Variants in USP28 observed in about 807,000 individuals in gnomAD.
USP28 encodes the protein ubiquitin specific peptidase 28.
USP28 carries 113 observed loss-of-function variants against 145.0 expected under a neutral mutation model. That is an observed-to-expected ratio of 0.78 (90% CI 0.67 to 0.91). USP28 has a LOEUF of 0.91. USP28 is among the 40% of genes least tolerant of loss of function. USP28 has a pLI of 0.00. For synonymous variants in USP28, 447 were observed against 450.9 expected (o/e 0.99, Z 0.11); for missense variants, 1,201 against 1,289.6 (o/e 0.93, Z 1.05).
Position 113,852,428 on chromosome 11 carries a change from G to A in USP28, c.268+73C>T, listed in dbSNP as rs1946571273. On this transcript the variant is annotated intron_variant, in intron 3 of 24. Coordinates refer to ENST00000003302, the Ensembl canonical transcript of USP28. Reference sequence around the variant, plus strand: ...TCAAAGGGCTGATGTGATTGACAGGGAACTCACATATACTTGGTTTGTTAT... The same window carrying A: ...TCAAAGGGCTGATGTGATTGACAGGAAACTCACATATACTTGGTTTGTTAT... The A allele has an allele frequency of 2.6e-6, 4 of 1,559,792 alleles. No homozygotes were observed. In the South Asian group the frequency reaches 4.5e-5, roughly 18 times the overall value.
rs962604962 is a variant in USP28 at position 113,803,917 on chromosome 11, T to C, written c.2659-40A>G. ...CGATTATTAATAATCATGATCATAA[T>C]AGATTGTTAGTGTCCTTCCCATCTA... On this transcript the variant is annotated intron_variant, in intron 21 of 24. Coordinates refer to ENST00000003302, the Ensembl canonical transcript of USP28. 1.9e-6 allele frequency: 3 copies of C among 1,547,646 alleles called. No individual in the cohort carries two copies. In the African/African-American group the frequency reaches 4.2e-5, roughly 21 times the overall value.
At chr11:113,838,620 T>A (rs1391115980) in intron 5 of USP28, among the ~76,000 whole-genome samples, 1 of 152,230 alleles carries the variant, frequency 6.6e-6, no homozygotes, top group Non-Finnish European at 1.5e-5. Flanking sequence ...CCTGGCCACC[T>A]TCAGACCTCT....
intron 11 of USP28, among the ~76,000 whole-genome samples, chr11:113,826,473 C>A (rs1021418432): frequency 1.6e-4 from 24 of 146,832 alleles, no homozygotes; most frequent in African/African-American, 5.4e-4. Flanking sequence ...CTACACCCAG[C>A]TAATTTTTTT....
intron 20 of USP28, 24 bp from the exon 22 acceptor site, chr11:113,804,775 G>A (rs1343290909): frequency 1.2e-6 from 2 of 1,612,324 alleles, no homozygotes; most frequent in South Asian, 1.1e-5. Flanking sequence ...AGTTCAGAAA[G>A]CAATGAAAAG....
intron 1 of USP28, among the ~76,000 whole-genome samples, chr11:113,861,102 C>T (rs1396003829): frequency 6.0e-5 from 9 of 148,832 alleles, no homozygotes; most frequent in Admixed American, 4.1e-4. Flanking sequence ...CCAGCCTGGG[C>T]GACAAAGCGA....
exon 5 of USP28, chr11:113,840,730 A>C: frequency 6.2e-7 from 1 of 1,614,188 alleles, no homozygotes. Flanking sequence ...TTGAGCGTTT[A>C]GTTTCTGCAG....
chr11:113,874,491 G>T, intron 1 of USP28: 1 of 1,230,416 alleles, frequency 8.1e-7, no homozygotes, highest in Non-Finnish European at 1.1e-6. Context: ...AGACAAAAGA[G>T]TAAAAAGGTA....
chr11:113,847,901 T>A (rs1279690988), intron 3 of USP28, among the ~76,000 whole-genome samples: 1 of 152,194 alleles, frequency 6.6e-6, no homozygotes, highest in African/African-American at 2.4e-5. Context: ...TCATACAACA[T>A]GACTGTAGCA....
chr11:113,855,903 A>G (rs1946997731), intron 1 of USP28, among the ~76,000 whole-genome samples: 1 of 151,934 alleles, frequency 6.6e-6, no homozygotes. Flanking sequence ...CAAGAGCACA[A>G]CTCCGTCTCA....
chr11:113,826,266 G>A (rs10891599), intron 11 of USP28, among the ~76,000 whole-genome samples: 68,378 of 127,830 alleles, frequency 0.53, 18,678 homozygotes, highest in Middle Eastern at 0.64. Flanking sequence ...CTGGGCAACA[G>A]AGCAAGACTC....
chr11:113,868,733 C>A (rs1273534932), intron 1 of USP28, among the ~76,000 whole-genome samples: 3 of 151,960 alleles, frequency 2.0e-5, no homozygotes, highest in Non-Finnish European at 2.9e-5. Context: ...CCAGCCTGGG[C>A]AACATAAAGA....
chr11:113,830,729 T>C, intron 9 of USP28, 138 bp downstream of exon 9: 1 of 672,964 alleles, frequency 1.5e-6, no homozygotes, highest in South Asian at 2.7e-5. Context: ...GTTAAACAGA[T>C]ACCAAGAGGC....
exon 25 of USP28, chr11:113,799,058 T>G (rs1938446557): frequency 1.6e-6 from 1 of 617,564 alleles, no homozygotes; most frequent in Non-Finnish European, 2.7e-6. Context: ...GCTTTTATGA[T>G]TTTGTACCTA....
intron 1 of USP28, among the ~76,000 whole-genome samples, chr11:113,858,766 C>G (rs555933577): frequency 2.0e-5 from 3 of 152,168 alleles, no homozygotes; most frequent in Non-Finnish European, 4.4e-5. Flanking sequence ...CCCACCACCA[C>G]GCCTAGCTAA....
rs765507857 is a variant in USP28, at chr11:113,803,796, A to G, written c.2738+2T>C. On this transcript the variant is annotated splice_donor_variant, in intron 22 of 24. Transcript: ENST00000003302. LOFTEE classifies it high-confidence loss of function. ...TCTTGGTAAAATAAAAGGCCAACAT[A>G]CTTTCCTTTTTGATAGAGTTCTAGG... 1 of 1,612,304 alleles carries G rather than the reference A, an allele frequency of 6.2e-7. No individual in the cohort carries two copies. Among genetic ancestry groups the G allele is most frequent in the East Asian group, 2.2e-5 (1 of 44,856 alleles).
chr11:113,858,590 T>A (rs1036095196), intron 1 of USP28, among the ~76,000 whole-genome samples: 1 of 152,178 alleles, frequency 6.6e-6, no homozygotes, highest in African/African-American at 2.4e-5. Context: ...TTCCTCATCA[T>A]GTGGTTCTCT....
rs1413142028 is a variant in USP28, at chr11:113,821,386, G to A, written c.1283+2219C>T. The A allele has an allele frequency of 2.2e-5, 5 of 228,626 alleles. No individual in the cohort carries two copies. The East Asian group carries it at 5.5e-4, about 25-fold the overall frequency. The allele number at this position is 228,626 out of a possible 1,614,324, so 14.2% of individuals were successfully genotyped here. ...CAGCCAATTGCCACTATTCTTCCTT[G>A]GCAACTTCTGGGATGCTCCAAAGCA... On this transcript the variant is annotated intron_variant, in intron 12 of 24. Transcript: ENST00000003302.
chr11:113,816,245 G>A (rs1358234099), intron 13 of USP28, among the ~76,000 whole-genome samples: 5 of 152,058 alleles, frequency 3.3e-5, no homozygotes, highest in Admixed American at 6.5e-5. Flanking sequence ...TGCCGGGTAC[G>A]GTGGCTCACG....
intron 3 of USP28, among the ~76,000 whole-genome samples, chr11:113,850,178 T>A (rs1439025446): frequency 6.6e-6 from 1 of 151,872 alleles, no homozygotes; most frequent in Non-Finnish European, 1.5e-5. Flanking sequence ...AGGTAAAAAA[T>A]TATTTTGGAA....
Sources: gnomAD v4.1 joint callset for allele counts (sites outside exome capture counted in the v4.1 genomes callset) on GRCh38, gnomAD v4.1.1 for gene constraint, MANE v1.5 for transcripts, NCBI Gene and HGNC (gene_info 2026-07-23, HGNC 2026-07-21) for gene names.